The following LIN7A variants were observed in gnomAD, a reference collection of about 807,000 sequenced individuals.
LIN7A encodes the protein protein lin-7 homolog A.
In LIN7A, 25 loss-of-function variants were observed where a neutral mutation model predicts 29.8. The ratio of observed to expected loss-of-function variants is 0.84; its 90% CI spans 0.61 to 1.17. LIN7A has a LOEUF of 1.17. LIN7A is among the 50% of genes most tolerant of loss of function. The pLI, the probability that LIN7A is intolerant of heterozygous loss-of-function variation, is 0.00. For missense variants in LIN7A, 239 were observed against 287.0 expected (o/e 0.83, Z 1.21); for synonymous variants, 118 against 107.5 (o/e 1.10, Z -0.60).
chr12:80,855,491 T>C (rs1251682066), intron 2 of LIN7A, among the ~76,000 whole-genome samples: 2 of 152,158 alleles, frequency 1.3e-5, no homozygotes, highest in Non-Finnish European at 2.9e-5. Context: ...TTTAAAATCT[T>C]CATTACATTA....
chr12:80,882,377 C>T (rs1163675), intron 2 of LIN7A, among the ~76,000 whole-genome samples: 84,517 of 130,024 alleles, frequency 0.65, 31,266 homozygotes, highest in Non-Finnish European at 0.86. Flanking sequence ...CTCCGCCTCC[C>T]GGGTTCACGC....
intron 4 of LIN7A, among the ~76,000 whole-genome samples, chr12:80,816,263 T>C (rs1289814966): frequency 6.6e-6 from 1 of 151,984 alleles, no homozygotes; most frequent in African/African-American, 2.4e-5. Flanking sequence ...ATTTTTTAAA[T>C]AGCTGGGGCG....
chr12:80,828,935 C>T (rs1592869451), intron 4 of LIN7A, among the ~76,000 whole-genome samples: 1 of 151,964 alleles, frequency 6.6e-6, no homozygotes, highest in Non-Finnish European at 1.5e-5. Context: ...GTTAAAGGGA[C>T]TCTTTAAAAA....
chr12:80,845,985 A>T (rs1184563872), intron 3 of LIN7A, 46 bp from the exon 4 acceptor site: 1 of 1,527,726 alleles, frequency 6.5e-7, no homozygotes, highest in East Asian at 2.3e-5. Context: ...AAAATGAGGG[A>T]AATAAAGGCT....
chr12:80,837,006 G>A (rs1337186246), intron 4 of LIN7A, among the ~76,000 whole-genome samples: 1 of 151,860 alleles, frequency 6.6e-6, no homozygotes, highest in Non-Finnish European at 1.5e-5. Context: ...GAGTCTGAAT[G>A]GCTTTATTGA....
chr12:80,824,911 T>C (rs73137277), intron 4 of LIN7A, among the ~76,000 whole-genome samples: 2,202 of 152,278 alleles, frequency 0.014, 21 homozygotes, highest in Middle Eastern at 0.027. Context: ...AACATTATAC[T>C]GAATGGGGAA....
In LIN7A at chr12:80,794,737, C is replaced by G. The variant is rs1360057105; in HGVS notation, c.*2990G>C. ...ATTGTTCACATAACTGGAGAATTCC[C>G]TATTGACTACATGATTGAGGAAACA... On this transcript the variant is annotated 3_prime_UTR_variant, in exon 6 of 6. Transcript: ENST00000552864. The G allele has an allele frequency of 6.6e-6, 1 of 152,132 alleles. No homozygotes were observed. Among genetic ancestry groups the G allele is most frequent in the African/African-American group, 2.4e-5 (1 of 41,438 alleles). 9.4% of individuals were successfully genotyped at this position (152,132 alleles called of 1,614,324 possible). A position where few individuals can be genotyped will look rare whatever the true frequency, so the allele number is the denominator to read the frequency against.
chr12:80,916,174 ATCTG>A (rs973809900), intron 1 of LIN7A, among the ~76,000 whole-genome samples: 1 of 152,064 alleles, frequency 6.6e-6, no homozygotes, highest in Non-Finnish European at 1.5e-5. Context: ...TTTCTTACTA[ATCTG>A]TCTGTCTACT....
chr12:80,935,747 C>A, intron 1 of LIN7A: 1 of 487,704 alleles, frequency 2.1e-6, no homozygotes, highest in South Asian at 1.5e-5. Context: ...CAGACTCATC[C>A]ACAGGGTAAA....
chr12:80,918,964 G>A (rs1483859805), intron 1 of LIN7A, among the ~76,000 whole-genome samples: 2 of 152,128 alleles, frequency 1.3e-5, no homozygotes, highest in Non-Finnish European at 2.9e-5. Context: ...AGTATTCTGT[G>A]CAGTCACAGC....
chr12:80,896,563 T>A (rs892070650), intron 1 of LIN7A, among the ~76,000 whole-genome samples: 2 of 152,228 alleles, frequency 1.3e-5, no homozygotes, highest in African/African-American at 4.8e-5. Flanking sequence ...CTGACCCTCA[T>A]CTCTGCTTTA....
intron 4 of LIN7A, among the ~76,000 whole-genome samples, chr12:80,815,816 T>C (rs1036160337): frequency 6.6e-6 from 1 of 152,176 alleles, no homozygotes; most frequent in Non-Finnish European, 1.5e-5. Context: ...TAAATTAATT[T>C]AACAAGGCCT....
intron 5 of LIN7A, among the ~76,000 whole-genome samples, chr12:80,801,026 G>T (rs1336409663): frequency 6.6e-6 from 1 of 151,318 alleles, no homozygotes; most frequent in Non-Finnish European, 1.5e-5. Flanking sequence ...TAAAAATCAG[G>T]TTATAATTTA....
intron 2 of LIN7A, among the ~76,000 whole-genome samples, chr12:80,882,287 C>CTTTTTTTTTTTTTTTTTT (rs56000415): frequency 1.1e-5 from 1 of 87,700 alleles, no homozygotes; most frequent in Non-Finnish European, 2.9e-5. Flanking sequence ...TTCTTTCATT[C>CTTTTTTTTTTTTTTTTTT]TTTTTTTTTT....
At chr12:80,879,645 C>CAAAAAAAAAA (rs530877505) in intron 2 of LIN7A, among the ~76,000 whole-genome samples, 1 of 58,740 alleles carries the variant, frequency 1.7e-5, no homozygotes, top group African/African-American at 9.1e-5. Flanking sequence ...TGGAGCAGCC[C>CAAAAAAAAAA]AAAAAAAAAA....
chr12:80,915,997 C>A, intron 1 of LIN7A, among the ~76,000 whole-genome samples: 1 of 152,148 alleles, frequency 6.6e-6, no homozygotes, highest in East Asian at 1.9e-4. Flanking sequence ...ATCTTTCTAA[C>A]AAACCTGCAC....
chr12:80,848,267 G>T lies in LIN7A; in HGVS notation c.257C>A (p.Ala86Glu), dbSNP rs764330673. 1 of 1,612,656 alleles carries T rather than the reference G, an allele frequency of 6.2e-7. No homozygotes were observed. Among genetic ancestry groups the T allele is most frequent in the Admixed American group, 1.7e-5 (1 of 59,956 alleles). Residue 86 changes from alanine (A) to glutamate (E), a missense_variant, in exon 3 of 6, where the codon GCG becomes GAG. By Grantham distance (107) the Ala-to-Glu change is moderately radical. Transcript: ENST00000552864. Reference sequence around the variant, plus strand: ...AAGCCTTACCTTTGCTGTTGCCCTCGCACGGAATTCGGGACAGCCATTAAC... The same window carrying T: ...AAGCCTTACCTTTGCTGTTGCCCTCTCACGGAATTCGGGACAGCCATTAAC... ...ITVNGCPEFR[A>E]RATAKATVAA... is the part of the protein sequence containing the mutation.
chr12:80,863,618 T>C (rs1471009735), intron 2 of LIN7A, among the ~76,000 whole-genome samples: 4 of 152,238 alleles, frequency 2.6e-5, no homozygotes, highest in Non-Finnish European at 5.9e-5. Flanking sequence ...AGAAGACTCA[T>C]AATGACCTCA....
intron 1 of LIN7A, among the ~76,000 whole-genome samples, chr12:80,891,379 G>A (rs527715725): frequency 1.3e-5 from 2 of 152,250 alleles, no homozygotes; most frequent in African/African-American, 2.4e-5. Context: ...CTTAACGGCC[G>A]ACTTCTTCTC....
Sources: gnomAD v4.1 joint callset for allele counts (sites outside exome capture counted in the v4.1 genomes callset) on GRCh38, gnomAD v4.1.1 for gene constraint, MANE v1.5 for transcripts, NCBI Gene and HGNC (gene_info 2026-07-23, HGNC 2026-07-21) for gene names.